The following RFX4 variants were observed in gnomAD, a reference collection of about 807,000 sequenced individuals.
The protein encoded by RFX4 is regulatory factor X4.
A neutral mutation model predicts 95.0 loss-of-function variants in RFX4; 10 were observed. That is an observed-to-expected ratio of 0.11 (90% CI 0.06 to 0.18). The LOEUF (loss-of-function observed/expected upper bound fraction) is 0.18. Among genes scored for constraint, RFX4 ranks in the 10% least tolerant of loss-of-function variants. The probability of loss-of-function intolerance (pLI) is 1.00; values close to 1 mark genes in which losing one functional copy is unlikely to be tolerated. For missense variants in RFX4, 640 were observed against 922.0 expected, an observed-to-expected ratio of 0.69 and a Z score of 3.96; for synonymous variants, 321 against 340.7, an observed-to-expected ratio of 0.94 and a Z score of 0.64.
intron 15 of RFX4, among the ~76,000 whole-genome samples, chr12:106,737,981 A>T (rs1305639635): frequency 6.6e-6 from 1 of 152,168 alleles, no homozygotes; most frequent in Non-Finnish European, 1.5e-5. Flanking sequence ...GGCTCAGAAA[A>T]AGTACGTGTA....
intron 15 of RFX4, among the ~76,000 whole-genome samples, chr12:106,736,482 T>C (rs541113635): frequency 6.6e-6 from 1 of 152,276 alleles, no homozygotes; most frequent in East Asian, 1.9e-4. Context: ...TTGTTAAGTC[T>C]GCAACCAGCT....
Position 106,720,919 on chromosome 12 carries a change from T to G in RFX4, c.1351+43T>G. ...CTCCCCATCTCCAAGCACTTTTTCC[T>G]CTGGGCACGGAGCCCAGAGGAATCT... is the stretch of plus-strand genomic sequence containing the variant. On this transcript the variant is annotated intron_variant, in intron 13 of 17. Coordinates refer to ENST00000392842, the MANE Select transcript of RFX4 (RefSeq NM_213594.3). This position sits in a 1 kb window ranked among gnomAD's most constrained non-coding sequence, Gnocchi z 4.2. 1.3e-6 allele frequency: 2 copies of G among 1,564,606 alleles called. No individual in the cohort carries two copies. Among genetic ancestry groups the G allele is most frequent in the Non-Finnish European group, 8.8e-7 (1 of 1,136,664 alleles).
chr12:106,641,967 C>CTATATCTATCTATATATCTATATCTA (rs371927014), intron 3 of RFX4, among the ~76,000 whole-genome samples: 2 of 134,994 alleles, frequency 1.5e-5, no homozygotes, highest in African/African-American at 5.8e-5. Context: ...ATATCTATAT[C>CTATATCTATCTATATATCTATATCTA]TATCTATATC....
At chr12:106,629,864 G>A (rs1208701761) in intron 2 of RFX4, among the ~76,000 whole-genome samples, 6 of 152,176 alleles carry the variant, frequency 3.9e-5, no homozygotes, top group African/African-American at 1.2e-4. Flanking sequence ...TTATAGGTGT[G>A]AGCCACTGTC....
intron 2 of RFX4, among the ~76,000 whole-genome samples, chr12:106,624,380 A>G (rs963727506): frequency 6.6e-6 from 1 of 152,162 alleles, no homozygotes; most frequent in Non-Finnish European, 1.5e-5. Flanking sequence ...GCTGGAGCGC[A>G]GTGTCGCGAT....
chr12:106,620,636 G>A (rs111794338), intron 2 of RFX4, among the ~76,000 whole-genome samples: 15,756 of 152,146 alleles, frequency 0.1, 989 homozygotes, highest in Middle Eastern at 0.14. Flanking sequence ...GTTCAGCGGT[G>A]CATGTATTGT....
intron 2 of RFX4, among the ~76,000 whole-genome samples, chr12:106,616,124 G>A (rs1354569793): frequency 2.6e-5 from 4 of 152,168 alleles, no homozygotes; most frequent in Admixed American, 2.0e-4. Context: ...ATCAGGTTGA[G>A]AAAATTCCCT....
At chr12:106,609,110 A>C (rs1469760725) in intron 2 of RFX4, among the ~76,000 whole-genome samples, 1 of 152,200 alleles carries the variant, frequency 6.6e-6, no homozygotes, top group Non-Finnish European at 1.5e-5. Context: ...TGCTGTTTAC[A>C]TACTCATCTT....
At chr12:106,691,319 CAG>C (rs1338993552) in intron 7 of RFX4, among the ~76,000 whole-genome samples, 1 of 152,200 alleles carries the variant, frequency 6.6e-6, no homozygotes, top group Non-Finnish European at 1.5e-5. Context: ...ATGTATCAAC[CAG>C]AGTGTTCAGA....
At chr12:106,692,525 T>C (rs1426551683) in intron 7 of RFX4, among the ~76,000 whole-genome samples, 1 of 152,178 alleles carries the variant, frequency 6.6e-6, no homozygotes, top group African/African-American at 2.4e-5. Context: ...GTGCCAATGT[T>C]CAGAATGAAC....
intron 17 of RFX4, among the ~76,000 whole-genome samples, chr12:106,759,242 G>T (rs1455518362): frequency 3.9e-5 from 6 of 152,164 alleles, no homozygotes; most frequent in African/African-American, 1.2e-4. Context: ...AGGAGCCAGG[G>T]GTAGGGGTGG....
intron 4 of RFX4, among the ~76,000 whole-genome samples, chr12:106,671,285 C>T (rs747013578): frequency 1.9e-4 from 29 of 152,070 alleles, no homozygotes; most frequent in African/African-American, 5.6e-4. Flanking sequence ...AACAAACGCC[C>T]GATGACTAAG....
chr12:106,750,550 A>C (rs12424114), intron 16 of RFX4, 105 bp from the exon 17 acceptor site: 1 of 1,152,814 alleles, frequency 8.7e-7, no homozygotes. Context: ...AGAAAAGAGA[A>C]AAAAGAAGAA....
intron 4 of RFX4, among the ~76,000 whole-genome samples, chr12:106,679,465 A>C (rs202089956): frequency 1.0e-4 from 6 of 57,986 alleles, no homozygotes; most frequent in African/African-American, 3.8e-4. Flanking sequence ...AGAAAAAAAC[A>C]AAAAAAAAAA....
chr12:106,715,759 C>G (rs183758753), intron 11 of RFX4, among the ~76,000 whole-genome samples: 67 of 152,226 alleles, frequency 4.4e-4, no homozygotes, highest in African/African-American at 1.5e-3. Flanking sequence ...AAAGAGTGTT[C>G]TGGTGCAATT....
In RFX4 at chr12:106,608,830, A is replaced by G; in HGVS notation, c.77A>G (p.Glu26Gly). ...ATTGAAAGATGTCTCAACGAAAGTG[A>G]AAACAAACGTTATTCCAGCCACACA... ...SWIERCLNES[E>G]NKRYSSHTSL... Residue 26 changes from glutamate to glycine, a missense_variant, in exon 2 of 18, where the codon GAA (glutamate) becomes GGA (glycine). Around this residue, in one of 7 missense-constraint regions of RFX4, gnomAD observed 63 missense variants for 68.8 expected, o/e 0.92. Coordinates refer to ENST00000392842, the MANE Select transcript of RFX4 (RefSeq NM_213594.3). 1 of 1,611,678 alleles carries G rather than the reference A, an allele frequency of 6.2e-7. No individual in the cohort carries two copies.
intron 1 of RFX4, among the ~76,000 whole-genome samples, chr12:106,599,554 A>G (rs966752673): frequency 6.6e-6 from 1 of 152,064 alleles, no homozygotes; most frequent in Non-Finnish European, 1.5e-5. Flanking sequence ...CAGGAGAATG[A>G]TATTAGCGTC....
At chr12:106,700,383 A>C (rs920881657) in intron 8 of RFX4, among the ~76,000 whole-genome samples, 6 of 150,394 alleles carry the variant, frequency 4.0e-5, no homozygotes, top group Non-Finnish European at 8.9e-5. Context: ...AGTTGTTTTA[A>C]GTTTGTATAT....
chr12:106,662,249 G>A (rs548319891), intron 4 of RFX4: 11 of 372,064 alleles, frequency 3.0e-5, no homozygotes, highest in Non-Finnish European at 4.8e-5. Flanking sequence ...TCCAGGTTTT[G>A]GCCATTCTAA....
Sources: gnomAD v4.1 joint callset for allele counts (sites outside exome capture counted in the v4.1 genomes callset) on GRCh38, gnomAD v4.1.1 for gene constraint, gnomAD v4.1.1 regional missense constraint, Gnocchi (gnomAD v3.1) non-coding constraint, MANE v1.5 for transcripts, NCBI Gene and HGNC (gene_info 2026-07-23, HGNC 2026-07-21) for gene names.